WWOX: variants seen among roughly 807,000 people sequenced by gnomAD.
The protein encoded by WWOX is WW domain-containing oxidoreductase.
WWOX carries 69 observed loss-of-function variants against 46.2 expected under a neutral mutation model. The observed-to-expected ratio is 1.49, with a 90% CI of 1.23 to 1.82. The LOEUF is 1.82. Among genes scored for constraint, WWOX ranks in the 40% most tolerant of loss-of-function variants. The pLI is 0.00. For synonymous variants in WWOX, 359 were observed against 202.6 expected, an observed-to-expected ratio of 1.77 and a Z score of -6.56; for missense variants, 919 against 542.6, an observed-to-expected ratio of 1.69 and a Z score of -6.89.
intron 8 of WWOX, among the ~76,000 whole-genome samples, chr16:78,917,483 T>C (rs1164560929): frequency 1.4e-5 from 2 of 147,014 alleles, no homozygotes; most frequent in Non-Finnish European, 3.0e-5. Flanking sequence ...AGCTGGCTGA[T>C]TTTTTTTTCC....
chr16:78,623,273 C>T (rs966296503), intron 8 of WWOX, among the ~76,000 whole-genome samples: 1 of 152,046 alleles, frequency 6.6e-6, no homozygotes, highest in Admixed American at 6.6e-5. Context: ...ATGTGTACAC[C>T]CTGGATAGTA....
rs1292298250 is a variant in WWOX, at chr16:78,957,632, C to G, written c.1057-253976C>G. 3.9e-5 allele frequency among the ~76,000 whole-genome samples: 6 copies of G among 152,290 alleles called. No homozygotes were observed. In the South Asian group the frequency reaches 6.2e-4, roughly 16 times the overall value. ...GTATGTCTCTTCGGATAGATTCTAT[C>G]TCTAAAAACTACAGATTCTATCTCT... On this transcript the variant is annotated intron_variant, in intron 8 of 8. Transcript: ENST00000566780.
At chr16:78,653,388 A>C (rs1289467755) in intron 8 of WWOX, among the ~76,000 whole-genome samples, 1 of 152,234 alleles carries the variant, frequency 6.6e-6, no homozygotes. Flanking sequence ...GTAATAATAG[A>C]TGACTCCCCA....
At chr16:79,132,089 A>T (rs2150697456) in intron 8 of WWOX, among the ~76,000 whole-genome samples, 1 of 151,860 alleles carries the variant, frequency 6.6e-6, no homozygotes, top group Non-Finnish European at 1.5e-5. Flanking sequence ...GGGGACACAG[A>T]GTCAAACCGT....
chr16:78,503,565 T>A (rs919102083), intron 8 of WWOX: 9 of 152,220 alleles, frequency 5.9e-5, no homozygotes, highest in Admixed American at 4.6e-4. Context: ...TGATGTGCCA[T>A]GATCTTTGTC....
At chr16:79,125,294 G>C (rs993253258) in intron 8 of WWOX, among the ~76,000 whole-genome samples, 1 of 152,078 alleles carries the variant, frequency 6.6e-6, no homozygotes, top group Non-Finnish European at 1.5e-5. Flanking sequence ...CCAAACCTCC[G>C]TAATTGTCTT....
rs1555520192 is a variant in WWOX, at chr16:78,326,581, C to CCCG, written c.517-60277_517-60276insGCC. Among the ~76,000 whole-genome samples, 3 of 94,264 alleles carry CCCG rather than the reference C, an allele frequency of 3.2e-5. 1 individual carries two copies. The highest frequency in any genetic ancestry group is 9.1e-5 in the African/African-American group (2 of 22,096). 61.8% of individuals were successfully genotyped at this position (94,264 alleles called of 152,430 possible). On this transcript the variant is annotated intron_variant, in intron 5 of 8. Coordinates refer to ENST00000566780, the MANE Select transcript of WWOX (RefSeq NM_016373.4). Reference sequence around the variant, plus strand: ...ATTTCTGCCTGCCCTCCCCCCGCCCCCCCCCCCCGCAATGCCTCAATCTGT... The same window carrying CCCG: ...ATTTCTGCCTGCCCTCCCCCCGCCCCCCGCCCCCCCCGCAATGCCTCAATCTGT...
chr16:78,936,657 C>T (rs1321803111), intron 8 of WWOX, among the ~76,000 whole-genome samples: 1 of 152,008 alleles, frequency 6.6e-6, no homozygotes, highest in African/African-American at 2.4e-5. Context: ...GTACTTTTTC[C>T]TCTTGGTTTG....
intron 8 of WWOX, among the ~76,000 whole-genome samples, chr16:79,136,902 T>C (rs1389631639): frequency 6.6e-6 from 1 of 152,226 alleles, no homozygotes; most frequent in Non-Finnish European, 1.5e-5. Context: ...CTGTCCAACC[T>C]GCAGGAGGCA....
intron 8 of WWOX, among the ~76,000 whole-genome samples, chr16:78,668,498 C>G (rs1030928781): frequency 6.6e-6 from 1 of 152,068 alleles, no homozygotes; most frequent in Non-Finnish European, 1.5e-5. Context: ...GGGCTAGGCC[C>G]TGGGAACAGT....
intron 8 of WWOX, among the ~76,000 whole-genome samples, chr16:78,632,687 T>A (rs540304223): frequency 6.7e-6 from 1 of 150,064 alleles, no homozygotes. Flanking sequence ...GCCTCTCGAA[T>A]AGCTGGGATT....
intron 5 of WWOX, among the ~76,000 whole-genome samples, chr16:78,214,162 C>G (rs1375769003): frequency 1.3e-5 from 2 of 152,188 alleles, no homozygotes; most frequent in South Asian, 2.1e-4. Flanking sequence ...CCCCTGGACC[C>G]TCACGTCTCA....
intron 8 of WWOX, among the ~76,000 whole-genome samples, chr16:79,110,487 C>G (rs990522871): frequency 6.6e-6 from 1 of 152,124 alleles, no homozygotes; most frequent in African/African-American, 2.4e-5. Flanking sequence ...ATGCTGTTCT[C>G]TCTGCTAGAA....
chr16:78,292,944 A>C (rs1463780626), intron 5 of WWOX, among the ~76,000 whole-genome samples: 2 of 152,222 alleles, frequency 1.3e-5, no homozygotes, highest in African/African-American at 2.4e-5. Flanking sequence ...TCACAGCCTC[A>C]TGGAGACACC....
intron 8 of WWOX, among the ~76,000 whole-genome samples, chr16:78,825,024 C>T (rs60474605): frequency 0.14 from 21,056 of 152,156 alleles, 1,609 homozygotes; most frequent in Non-Finnish European, 0.17. Flanking sequence ...TGGTTTCTCT[C>T]TCACCATCCC....
At chr16:78,637,353 G>A (rs2046597051) in intron 8 of WWOX, among the ~76,000 whole-genome samples, 2 of 151,768 alleles carry the variant, frequency 1.3e-5, no homozygotes, top group African/African-American at 4.8e-5. Context: ...ATGCAGCAGA[G>A]TCTGTTGAAC....
chr16:78,667,806 C>A (rs1395518118), intron 8 of WWOX, among the ~76,000 whole-genome samples: 1 of 152,074 alleles, frequency 6.6e-6, no homozygotes, highest in South Asian at 2.1e-4. Context: ...CTCGCATCAG[C>A]TTGCATCTGT....
intron 6 of WWOX, among the ~76,000 whole-genome samples, chr16:78,388,166 G>A (rs1356320425): frequency 6.6e-6 from 1 of 152,148 alleles, no homozygotes; most frequent in African/African-American, 2.4e-5. Context: ...GAGTAGCTGG[G>A]ACTACAGATG....
intron 8 of WWOX, among the ~76,000 whole-genome samples, chr16:78,713,971 C>T (rs188839186): frequency 9.2e-5 from 14 of 152,126 alleles, no homozygotes; most frequent in Middle Eastern, 3.4e-3. Flanking sequence ...CAATTGGCTA[C>T]GAGGGCTTGT....
Sources: gnomAD v4.1 joint callset for allele counts (sites outside exome capture counted in the v4.1 genomes callset) on GRCh38, gnomAD v4.1.1 for gene constraint, MANE v1.5 for transcripts, NCBI Gene and HGNC (gene_info 2026-07-23, HGNC 2026-07-21) for gene names.